NAA15: variants seen among roughly 807,000 people sequenced by gnomAD.
The protein encoded by NAA15 is N-alpha-acetyltransferase 15, NatA auxiliary subunit, also known as N-terminal acetyltransferase.
NAA15 carries 34 observed loss-of-function variants against 114.0 expected under a neutral mutation model. The observed-to-expected ratio is 0.30, with a 90% CI of 0.23 to 0.40. The LOEUF is 0.40. Ranked by LOEUF, NAA15 falls within the 10% of genes least tolerant of loss-of-function variation. The probability of loss-of-function intolerance (pLI) is 1.00; values close to 1 mark genes in which losing one functional copy is unlikely to be tolerated. For missense variants in NAA15, 658 were observed against 1,004.5 expected (o/e 0.66, Z 4.66); for synonymous variants, 340 against 338.0 (o/e 1.01, Z -0.06).
At chr4:139,360,941 C>T (rs1748114886) in intron 13 of NAA15, among the ~76,000 whole-genome samples, 1 of 152,088 alleles carries the variant, frequency 6.6e-6, no homozygotes, top group South Asian at 2.1e-4. Context: ...GATTAAAGTA[C>T]TCCTAGGACC....
chr4:139,319,242 C>T (rs1176157821), intron 1 of NAA15, among the ~76,000 whole-genome samples: 4 of 152,112 alleles, frequency 2.6e-5, no homozygotes, highest in Admixed American at 6.5e-5. Context: ...TGCAGCGAGC[C>T]GAGATCATGC....
At chr4:139,372,221 A>G (rs1399669782) in intron 15 of NAA15, among the ~76,000 whole-genome samples, 1 of 151,998 alleles carries the variant, frequency 6.6e-6, no homozygotes, top group Non-Finnish European at 1.5e-5. Context: ...TGGCCCATGT[A>G]TTTCTTAAGG....
intron 14 of NAA15, among the ~76,000 whole-genome samples, chr4:139,366,897 C>T (rs1051710055): frequency 6.6e-6 from 1 of 152,178 alleles, no homozygotes; most frequent in African/African-American, 2.4e-5. Context: ...GCATGAGCCA[C>T]CACGCCCAGC....
chr4:139,343,063 A>G (rs1747465925), intron 5 of NAA15, 103 bp downstream of exon 5: 2 of 1,068,300 alleles, frequency 1.9e-6, no homozygotes, highest in Non-Finnish European at 2.7e-6. Context: ...TTTCAAACTT[A>G]TAGAAAAGTT....
intron 15 of NAA15, among the ~76,000 whole-genome samples, chr4:139,371,709 A>C (rs915143623): frequency 6.6e-6 from 1 of 152,164 alleles, no homozygotes; most frequent in Non-Finnish European, 1.5e-5. Context: ...TTGAGGCCTC[A>C]GAGAATTTCA....
intron 17 of NAA15, among the ~76,000 whole-genome samples, chr4:139,383,941 A>T (rs1748821677): frequency 6.6e-6 from 1 of 152,198 alleles, no homozygotes. Context: ...GAGGGTGAGG[A>T]AAATTTGTTG....
At chr4:139,343,758 A>C (rs958452632) in intron 5 of NAA15, among the ~76,000 whole-genome samples, 1 of 152,220 alleles carries the variant, frequency 6.6e-6, no homozygotes, top group African/African-American at 2.4e-5. Flanking sequence ...CTTTGTGTTT[A>C]ATATGCAGTT....
rs554025245 is a variant in NAA15, at chr4:139,301,702, A to C, written c.-76A>C. 4 of 1,502,112 alleles carry C rather than the reference A, an allele frequency of 2.7e-6. No individual in the cohort carries two copies. In the East Asian group the frequency reaches 7.7e-5, roughly 29 times the overall value. 93.0% of individuals were successfully genotyped at this position (1,502,112 alleles called of 1,614,324 possible). A position where few individuals can be genotyped will look rare whatever the true frequency, so the allele number is the denominator to read the frequency against. ...ATATTCAAGGCTGAAGCAGCTACGG[A>C]ACGGCAGCGGCGGCGGTCGGACAAA... On this transcript the variant is annotated 5_prime_UTR_variant, in exon 1 of 20. Transcript: ENST00000296543.
chr4:139,303,823 A>T (rs1745901687), intron 1 of NAA15, among the ~76,000 whole-genome samples: 1 of 152,254 alleles, frequency 6.6e-6, no homozygotes, highest in Admixed American at 6.5e-5. Flanking sequence ...GCATCTCCTA[A>T]GAATAAGGAC....
chr4:139,354,123 A>G, intron 10 of NAA15, 25 bp downstream of exon 10: 1 of 1,572,952 alleles, frequency 6.4e-7, no homozygotes, highest in Non-Finnish European at 8.7e-7. Flanking sequence ...TTTATGTTTT[A>G]AAAACATCTT....
At chr4:139,329,495 C>T (rs1019403349) in intron 1 of NAA15, among the ~76,000 whole-genome samples, 2 of 152,016 alleles carry the variant, frequency 1.3e-5, no homozygotes, top group African/African-American at 4.8e-5. Context: ...TGTCTGTCAA[C>T]CTGATTTTTT....
At position 139,359,105 on chromosome 4, in the gene NAA15, CA is replaced by C. The variant is rs750787451; in HGVS notation, c.1258-626del. ...GGGTGACAGAGTGAGACTCCCATCT[CA>C]AAAAAAAAAAAGATTTCTGTTATTA... On this transcript the variant is annotated intron_variant, in intron 11 of 19. Coordinates refer to ENST00000296543, the MANE Select transcript of NAA15 (RefSeq NM_057175.5). Among the ~76,000 whole-genome samples, 234 of 134,702 alleles carry C rather than the reference CA, an allele frequency of 1.7e-3. 1 individual carries two copies. The highest frequency in any genetic ancestry group is 4.8e-3 in the East Asian group (22 of 4,552). 88.4% of individuals were successfully genotyped at this position (134,702 alleles called of 152,430 possible).
At chr4:139,369,355 G>A (rs749019685) in intron 14 of NAA15, among the ~76,000 whole-genome samples, 2 of 152,200 alleles carry the variant, frequency 1.3e-5, no homozygotes, top group Non-Finnish European at 2.9e-5. Context: ...ATGTTTTGCT[G>A]TGATCATTTG....
chr4:139,326,964 CTCTGTGTCT>C lies in NAA15; in HGVS notation c.55-7208_55-7200del, dbSNP rs1336487014. ...TTTTCCTTTTTTTGAAACAGAGTCT[CTCTGTGTCT>C]TGCCCAGGCTGGGGTGCAGTGGTGT... On this transcript the variant is annotated intron_variant, in intron 1 of 19. Transcript: ENST00000296543. Among the ~76,000 whole-genome samples the C allele has an allele frequency of 2.0e-5, 3 of 152,172 alleles. No homozygotes were observed. In the East Asian group the frequency reaches 5.8e-4, roughly 29 times the overall value.
intron 3 of NAA15, among the ~76,000 whole-genome samples, chr4:139,340,314 C>G (rs550999496): frequency 6.6e-6 from 1 of 151,826 alleles, no homozygotes; most frequent in Non-Finnish European, 1.5e-5. Context: ...AGAGCAATAC[C>G]TGTCTCAAAA....
rs903726535 is a variant in NAA15 at position 139,361,695 on chromosome 4, G to A, written c.1540-29G>A. 3.6e-6 allele frequency: 5 copies of A among 1,394,286 alleles called. No homozygotes were observed. The African/African-American group carries it at 4.3e-5, about 12-fold the overall frequency. 86.4% of individuals were successfully genotyped at this position (1,394,286 alleles called of 1,614,324 possible). On this transcript the variant is annotated intron_variant, in intron 13 of 19. Coordinates refer to ENST00000296543, the MANE Select transcript of NAA15 (RefSeq NM_057175.5). ...TTTTCTTAGCCATTGCTGTACTTCG[G>A]TATAATAATAAAAAGATAATTTTGT...
intron 1 of NAA15, among the ~76,000 whole-genome samples, chr4:139,304,048 G>A (rs1329605883): frequency 6.6e-6 from 1 of 152,150 alleles, no homozygotes; most frequent in African/African-American, 2.4e-5. Flanking sequence ...CTCCCAAGTA[G>A]CTGGGACTAC....
At chr4:139,321,805 C>T (rs1239227746) in intron 1 of NAA15, among the ~76,000 whole-genome samples, 1 of 151,748 alleles carries the variant, frequency 6.6e-6, no homozygotes, top group Non-Finnish European at 1.5e-5. Flanking sequence ...TTTTTGTTGC[C>T]TTTGTGTTTT....
chr4:139,332,255 C>T (rs1747037687), intron 1 of NAA15, among the ~76,000 whole-genome samples: 1 of 151,636 alleles, frequency 6.6e-6, no homozygotes, highest in Admixed American at 6.6e-5. Flanking sequence ...CTCAGCTTCC[C>T]AAGCAGCTAG....
Sources: gnomAD v4.1 joint callset for allele counts (sites outside exome capture counted in the v4.1 genomes callset) on GRCh38, gnomAD v4.1.1 for gene constraint, MANE v1.5 for transcripts, NCBI Gene and HGNC (gene_info 2026-07-23, HGNC 2026-07-21) for gene names.